Variants in SLC26A2 observed in about 807,000 individuals in gnomAD.
SLC26A2 encodes sulfate transporter.
Under a neutral mutation model 41.1 loss-of-function variants are expected in SLC26A2, and 36 were observed. The ratio of observed to expected loss-of-function variants is 0.88; its 90% CI spans 0.67 to 1.16. The LOEUF (loss-of-function observed/expected upper bound fraction) is 1.16. Ranked by LOEUF, SLC26A2 falls within the 50% of genes most tolerant of loss-of-function variation. SLC26A2 has a pLI of 0.00. For missense variants in SLC26A2, 796 were observed against 869.6 expected (o/e 0.92, Z 1.07); for synonymous variants, 291 against 311.6 (o/e 0.93, Z 0.70).
intron 1 of SLC26A2, among the ~76,000 whole-genome samples, chr5:149,971,296 A>C (rs1241213157): frequency 6.6e-6 from 1 of 152,210 alleles, no homozygotes; most frequent in Non-Finnish European, 1.5e-5. Context: ...TAGTGCTGTG[A>C]TCTTCCCTGG....
At chr5:149,976,007 A>G (rs1754986567) in intron 1 of SLC26A2, among the ~76,000 whole-genome samples, 1 of 151,984 alleles carries the variant, frequency 6.6e-6, no homozygotes, top group Non-Finnish European at 1.5e-5. Flanking sequence ...AAAATGCAAA[A>G]ATTAGCCAGG....
chr5:149,967,697 C>T (rs1754828410), intron 1 of SLC26A2, among the ~76,000 whole-genome samples: 1 of 152,130 alleles, frequency 6.6e-6, no homozygotes, highest in Admixed American at 6.5e-5. Flanking sequence ...CCCCAGTACC[C>T]AGTAAACTCT....
At chr5:149,976,979 CT>C (rs1755002939) in intron 1 of SLC26A2, among the ~76,000 whole-genome samples, 1 of 152,224 alleles carries the variant, frequency 6.6e-6, no homozygotes, top group Admixed American at 6.5e-5. Flanking sequence ...ATTCAGCACC[CT>C]CATATTGACT....
Position 149,977,811 on chromosome 5 carries a change from G to A in SLC26A2, c.159G>A (p.Arg53=), listed in dbSNP as rs766615254. Residue 53 remains arginine, a synonymous_variant, in exon 2 of 3, where the codon AGG becomes AGA. Coordinates refer to ENST00000286298, the MANE Select transcript of SLC26A2 (RefSeq NM_000112.4). The part of the protein sequence containing the change: ...ETNDQCRPYH[R]ILIERQEKSD... ...ATGATCAATGCAGACCTTATCATAG[G>A]ATCCTTATTGAGCGTCAAGAGAAAT... 15 of 1,614,134 alleles carry A rather than the reference G, an allele frequency of 9.3e-6. No individual in the cohort carries two copies. The highest frequency in any genetic ancestry group is 1.3e-5 in the Non-Finnish European group (15 of 1,179,998).
chr5:149,981,409 C>T lies in SLC26A2; in HGVS notation c.1816C>T (p.Pro606Ser), dbSNP rs767618201. Residue 606 changes from proline to serine, a missense_variant, in exon 3 of 3, where the codon CCA (proline) becomes TCA (serine). Physicochemically the swap from Pro to Ser is moderately conservative, Grantham distance 74 (BLOSUM62 -1). Coordinates refer to ENST00000286298, the MANE Select transcript of SLC26A2 (RefSeq NM_000112.4). ...TGCTTTATACAAACAAACTGTCAAC[C>T]CAATCTTAATAAAGGTGGCTTGGAA... The part of the protein sequence containing the change: ...KSALYKQTVN[P>S]ILIKVAWKKA... The T allele has an allele frequency of 1.2e-6, 2 of 1,613,920 alleles. No individual in the cohort carries two copies. The highest frequency in any genetic ancestry group is 1.7e-5 in the Admixed American group (1 of 60,006).
intron 1 of SLC26A2, among the ~76,000 whole-genome samples, 169 bp downstream of exon 1, chr5:149,961,148 C>T (rs1379497061): frequency 1.3e-5 from 2 of 152,350 alleles, no homozygotes; most frequent in African/African-American, 4.8e-5. Context: ...CCCGGGTGGT[C>T]CGGGGCCGGG....
At chr5:149,962,174 A>C (rs538306656) in intron 1 of SLC26A2, 11 of 152,114 alleles carry the variant, frequency 7.2e-5, no homozygotes, top group Non-Finnish European at 1.5e-4. Context: ...CCTGGATCTC[A>C]TCCTTGGATT....
rs1028645889 is a variant in SLC26A2 at position 149,961,277 on chromosome 5, C to T, written c.-26+298C>T. On this transcript the variant is annotated intron_variant, in intron 1 of 2. Coordinates refer to ENST00000286298, the MANE Select transcript of SLC26A2 (RefSeq NM_000112.4). ...GGGTGCCACGCACTCCGCTGCTTTT[C>T]CAGTCCTCGTTGATCCGTCTCGAAC... Among the ~76,000 whole-genome samples, 11 of 152,300 alleles carry T rather than the reference C, an allele frequency of 7.2e-5. No homozygotes were observed. In the East Asian group the frequency reaches 2.1e-3, roughly 29 times the overall value.
At chr5:149,974,887 G>A (rs971436349) in intron 1 of SLC26A2, among the ~76,000 whole-genome samples, 2 of 151,880 alleles carry the variant, frequency 1.3e-5, no homozygotes, top group Non-Finnish European at 2.9e-5. Context: ...CACCATGCCT[G>A]ACTAATTTTA....
At chr5:149,974,571 C>T (rs989254195) in intron 1 of SLC26A2, among the ~76,000 whole-genome samples, 2 of 151,464 alleles carry the variant, frequency 1.3e-5, no homozygotes, top group Non-Finnish European at 2.9e-5. Flanking sequence ...TACAGGAGCG[C>T]ACCACCATGC....
At chr5:149,969,044 A>G (rs1452463932) in intron 1 of SLC26A2, among the ~76,000 whole-genome samples, 2 of 152,232 alleles carry the variant, frequency 1.3e-5, no homozygotes, top group South Asian at 2.1e-4. Context: ...GCCCGGCCTC[A>G]AATGTCTTTT....
At position 149,981,447 on chromosome 5, in the gene SLC26A2, G is replaced by A. The variant is rs370460064; in HGVS notation, c.1854G>A (p.Lys618=). Residue 618 remains lysine, a synonymous_variant, in exon 3 of 3, where the codon AAG becomes AAA. Coordinates refer to ENST00000286298, the MANE Select transcript of SLC26A2 (RefSeq NM_000112.4). ...AGGTGGCTTGGAAGAAGGCAGCAAA[G>A]AGAAAGATCAAAGAAAAAGTAGTGA... ...LIKVAWKKAA[K]RKIKEKVVTL... The A allele has an allele frequency of 1.3e-5, 21 of 1,614,012 alleles. No individual in the cohort carries two copies. In the African/African-American group the frequency reaches 2.0e-4, roughly 15 times the overall value.
rs777527899 is a variant in SLC26A2 at position 149,980,533 on chromosome 5, G to A, written c.940G>A (p.Val314Ile). The change falls in exon 3 of 3, where the codon GTT becomes ATT. Residue 314 changes from valine (V) to isoleucine (I), a missense_variant. By Grantham distance (29) the Val-to-Ile change is conservative (BLOSUM62 3). Coordinates refer to ENST00000286298, the MANE Select transcript of SLC26A2 (RefSeq NM_000112.4). ...DLITSLLCLL[V>I]LLPTKELNEH... is the part of the protein sequence containing the mutation. ...TATCACCAGCCTTTTGTGCCTTTTGGTTCTTTTGCCAACCAAAGAACTCAA... is the reference window on the plus strand; with the variant it reads ...TATCACCAGCCTTTTGTGCCTTTTGATTCTTTTGCCAACCAAAGAACTCAA... The A allele has an allele frequency of 3.7e-6, 6 of 1,614,094 alleles. No homozygotes were observed. In the Admixed American group the frequency reaches 8.3e-5, roughly 22 times the overall value.
At position 149,972,629 on chromosome 5, in the gene SLC26A2, T is replaced by C. The variant is rs1292669522; in HGVS notation, c.-25-4999T>C. 2.0e-5 allele frequency among the ~76,000 whole-genome samples: 3 copies of C among 152,214 alleles called. No individual in the cohort carries two copies. The East Asian group carries it at 5.8e-4, about 29-fold the overall frequency. ...CTCTGTCATTTATAAGCTGAATAAATTACTAAATTGGGCCAGTCCTTTCAC... is the reference window on the plus strand; with the variant it reads ...CTCTGTCATTTATAAGCTGAATAAACTACTAAATTGGGCCAGTCCTTTCAC... On this transcript the variant is annotated intron_variant, in intron 1 of 2. Coordinates refer to ENST00000286298, the MANE Select transcript of SLC26A2 (RefSeq NM_000112.4).
chr5:149,961,291 TC>T (rs1168240254), intron 1 of SLC26A2, among the ~76,000 whole-genome samples: 2 of 152,104 alleles, frequency 1.3e-5, no homozygotes, highest in Non-Finnish European at 2.9e-5. Context: ...TCCTCGTTGA[TC>T]CGTCTCGAAC....
intron 1 of SLC26A2, among the ~76,000 whole-genome samples, chr5:149,976,390 A>G (rs371565044): frequency 1.4e-4 from 21 of 152,262 alleles, no homozygotes; most frequent in East Asian, 9.7e-4. Context: ...TGGGACACAG[A>G]GGGTGTAGTA....
At chr5:149,970,843 A>G (rs1295222823) in intron 1 of SLC26A2, among the ~76,000 whole-genome samples, 1 of 152,242 alleles carries the variant, frequency 6.6e-6, no homozygotes, top group African/African-American at 2.4e-5. Flanking sequence ...CTGATGGATT[A>G]TATATGGGAG....
intron 1 of SLC26A2, among the ~76,000 whole-genome samples, chr5:149,964,457 A>G (rs1283705946): frequency 3.3e-5 from 5 of 150,156 alleles, no homozygotes; most frequent in South Asian, 4.3e-4. Flanking sequence ...AGCCTGGGTA[A>G]CAGAGTGAGA....
In SLC26A2 at chr5:149,961,159, C is replaced by T. The variant is rs537021596; in HGVS notation, c.-26+180C>T. Among the ~76,000 whole-genome samples the T allele has an allele frequency of 1.5e-3, 224 of 152,338 alleles. 1 individual carries two copies. The highest frequency in any genetic ancestry group is 4.1e-3 in the African/African-American group (170 of 41,588). On this transcript the variant is annotated intron_variant, in intron 1 of 2. Transcript: ENST00000286298. ...ATTTCCCGGGTGGTCCGGGGCCGGG[C>T]GAGTGGCACTGCACCCTGGTGATCC...
Sources: gnomAD v4.1 joint callset for allele counts (sites outside exome capture counted in the v4.1 genomes callset) on GRCh38, gnomAD v4.1.1 for gene constraint, MANE v1.5 for transcripts, NCBI Gene and HGNC (gene_info 2026-07-23, HGNC 2026-07-21) for gene names.